Variants in ADK observed in about 807,000 individuals in gnomAD.
ADK encodes adenosine kinase.
In ADK, 24 loss-of-function variants were observed where a neutral mutation model predicts 44.7. The ratio of observed to expected loss-of-function variants is 0.54; its 90% CI spans 0.39 to 0.76. The LOEUF (loss-of-function observed/expected upper bound fraction) is 0.76. Among genes scored for constraint, ADK ranks in the 30% least tolerant of loss-of-function variants. The probability of loss-of-function intolerance (pLI) is 0.00; values close to 1 mark genes in which losing one functional copy is unlikely to be tolerated. For missense variants in ADK, 321 were observed against 425.1 expected (o/e 0.76, Z 2.15); for synonymous variants, 128 against 142.6 (o/e 0.90, Z 0.73).
At chr10:74,160,725 G>GTGTGTGTGTGTGTGTA (rs753375980) in intron 1 of ADK, among the ~76,000 whole-genome samples, 8 of 150,858 alleles carry the variant, frequency 5.3e-5, no homozygotes, top group African/African-American at 1.5e-4. Flanking sequence ...GTGTATGTGT[G>GTGTGTGTGTGTGTGTA]TGTGTAGGTA....
chr10:74,500,837 G>T (rs1235592271), intron 6 of ADK, among the ~76,000 whole-genome samples: 3 of 152,104 alleles, frequency 2.0e-5, no homozygotes, highest in African/African-American at 7.2e-5. Context: ...CAGCAATCAG[G>T]ATTTGCTTCA....
At chr10:74,500,815 A>G (rs1209009060) in intron 6 of ADK, among the ~76,000 whole-genome samples, 2 of 152,178 alleles carry the variant, frequency 1.3e-5, no homozygotes, top group African/African-American at 4.8e-5. Context: ...AAATGGATAG[A>G]TATTAATCCT....
At position 74,331,854 on chromosome 10, in the gene ADK, T is replaced by C. The variant is rs117048202; in HGVS notation, c.273+17109T>C. Among the ~76,000 whole-genome samples the C allele has an allele frequency of 3.1e-3, 478 of 152,282 alleles. 7 individuals carry two copies. Among genetic ancestry groups the C allele is most frequent in the East Asian group, 0.018 (93 of 5,190 alleles). Reference sequence around the variant, plus strand: ...CTGGATCATATTTCTTAAATTTTACTTTATTTATTTATTTTTGAGACAAAG... The same window carrying C: ...CTGGATCATATTTCTTAAATTTTACCTTATTTATTTATTTTTGAGACAAAG... On this transcript the variant is annotated intron_variant, in intron 4 of 10. Transcript: ENST00000539909.
At chr10:74,216,586 G>A (rs573771821) in intron 2 of ADK, among the ~76,000 whole-genome samples, 46 of 151,942 alleles carry the variant, frequency 3.0e-4, no homozygotes, top group Non-Finnish European at 5.9e-4. Context: ...TTAGCCGGGC[G>A]TGGGGGTGCA....
rs1840258679 is a variant in ADK, at chr10:74,306,620, A to G, written c.195-8047A>G. ...TTATTCAGATTGTATCTTCTACCAG[A>G]GTGTTCACTCTTTTCTGTATGAGGC... On this transcript the variant is annotated intron_variant, in intron 3 of 10. Coordinates refer to ENST00000539909, the MANE Select transcript of ADK (RefSeq NM_006721.4). 2.0e-5 allele frequency among the ~76,000 whole-genome samples: 3 copies of G among 152,196 alleles called. No individual in the cohort carries two copies. The South Asian group carries it at 6.2e-4, about 31-fold the overall frequency.
chr10:74,547,046 A>T (rs1849846304), intron 7 of ADK, among the ~76,000 whole-genome samples: 1 of 152,046 alleles, frequency 6.6e-6, no homozygotes, highest in Non-Finnish European at 1.5e-5. Flanking sequence ...TTTTTATCAT[A>T]TTTATTTTTA....
intron 2 of ADK, among the ~76,000 whole-genome samples, chr10:74,217,714 G>A (rs1445722302): frequency 6.6e-6 from 1 of 152,164 alleles, no homozygotes. Context: ...CGCGGTTCAC[G>A]AAAAACCACT....
intron 1 of ADK, among the ~76,000 whole-genome samples, chr10:74,167,995 A>T (rs1842074383): frequency 6.6e-6 from 1 of 152,174 alleles, no homozygotes; most frequent in Non-Finnish European, 1.5e-5. Flanking sequence ...TGAGGGTTTT[A>T]TGCTTTTGAA....
At chr10:74,646,445 T>C (rs1054594899) in intron 9 of ADK, among the ~76,000 whole-genome samples, 1 of 152,208 alleles carries the variant, frequency 6.6e-6, no homozygotes, top group Non-Finnish European at 1.5e-5. Flanking sequence ...AGGCCCAAAT[T>C]GAGCTGAATT....
At chr10:74,562,006 T>C (rs544502426) in intron 7 of ADK, among the ~76,000 whole-genome samples, 1 of 152,332 alleles carries the variant, frequency 6.6e-6, no homozygotes, top group African/African-American at 2.4e-5. Flanking sequence ...CTGGTGCTCT[T>C]GAGCACGTAT....
chr10:74,358,009 A>G (rs1464043418), intron 4 of ADK, among the ~76,000 whole-genome samples: 2 of 152,350 alleles, frequency 1.3e-5, no homozygotes, highest in Middle Eastern at 3.4e-3. Flanking sequence ...TAATGCCCAC[A>G]GGAAAGAAAT....
At chr10:74,429,358 T>C (rs1844902297) in intron 6 of ADK, among the ~76,000 whole-genome samples, 1 of 152,208 alleles carries the variant, frequency 6.6e-6, no homozygotes, top group Non-Finnish European at 1.5e-5. Flanking sequence ...ATTCAACACA[T>C]GATAGTAGTT....
chr10:74,324,681 A>G (rs979754568), intron 4 of ADK, among the ~76,000 whole-genome samples: 1 of 152,204 alleles, frequency 6.6e-6, no homozygotes, highest in African/African-American at 2.4e-5. Context: ...TAGGTTGATT[A>G]CATATCTTGG....
intron 3 of ADK, among the ~76,000 whole-genome samples, chr10:74,265,743 A>G (rs902436876): frequency 6.6e-6 from 1 of 152,182 alleles, no homozygotes; most frequent in Non-Finnish European, 1.5e-5. Context: ...TTTACCACCA[A>G]TTTTTATAAA....
intron 6 of ADK, among the ~76,000 whole-genome samples, chr10:74,495,955 C>A (rs1847669039): frequency 6.6e-6 from 1 of 152,154 alleles, no homozygotes; most frequent in South Asian, 2.1e-4. Context: ...AATCTAATTA[C>A]CTTTTCTCCA....
At chr10:74,180,208 TTTA>T (rs201127930) in intron 1 of ADK, among the ~76,000 whole-genome samples, 43 of 96,528 alleles carry the variant, frequency 4.5e-4, no homozygotes, top group East Asian at 9.1e-4. Flanking sequence ...CTCTTTTCTT[TTTA>T]TTATTATTAT....
At chr10:74,307,726 A>G (rs1271133082) in intron 3 of ADK, among the ~76,000 whole-genome samples, 5 of 152,188 alleles carry the variant, frequency 3.3e-5, no homozygotes, top group African/African-American at 1.2e-4. Context: ...TATCTATTAC[A>G]TATGTTTCTG....
At chr10:74,561,718 T>A (rs1850468307) in intron 7 of ADK, among the ~76,000 whole-genome samples, 1 of 152,104 alleles carries the variant, frequency 6.6e-6, no homozygotes, top group East Asian at 1.9e-4. Flanking sequence ...CAATATAGAT[T>A]TAGAGATTTG....
chr10:74,192,012 T>C (rs1164826465), intron 1 of ADK, among the ~76,000 whole-genome samples: 2 of 152,232 alleles, frequency 1.3e-5, no homozygotes, highest in African/African-American at 2.4e-5. Context: ...GAGAGTGTTA[T>C]ATAAATGGAA....
Sources: gnomAD v4.1 joint callset for allele counts (sites outside exome capture counted in the v4.1 genomes callset) on GRCh38, gnomAD v4.1.1 for gene constraint, MANE v1.5 for transcripts, NCBI Gene and HGNC (gene_info 2026-07-23, HGNC 2026-07-21) for gene names.